PLD5: variants seen among roughly 807,000 people sequenced by gnomAD.
The protein encoded by PLD5 is phospholipase D family member 5.
A neutral mutation model predicts 61.1 loss-of-function variants in PLD5; 36 were observed. That is an observed-to-expected ratio of 0.59 (90% CI 0.45 to 0.78). The LOEUF is 0.78. Ranked by LOEUF, PLD5 falls within the 30% of genes least tolerant of loss-of-function variation. The probability of loss-of-function intolerance (pLI) is 0.00; values close to 1 mark genes in which losing one functional copy is unlikely to be tolerated. For synonymous variants in PLD5, 243 were observed against 242.8 expected (o/e 1.00, Z -0.01); for missense variants, 515 against 644.4 (o/e 0.80, Z 2.17).
At chr1:242,279,998 G>A (rs1020308947) in intron 3 of PLD5, among the ~76,000 whole-genome samples, 37 of 149,746 alleles carry the variant, frequency 2.5e-4, no homozygotes, top group Non-Finnish European at 8.9e-5. Context: ...GAAAGTAAAT[G>A]TCCTGCATCA....
intron 2 of PLD5, among the ~76,000 whole-genome samples, chr1:242,330,471 A>G (rs1659100421): frequency 6.6e-6 from 1 of 152,184 alleles, no homozygotes. Context: ...TAGAGTCAGC[A>G]GCTCCTTCCT....
chr1:242,096,633 T>C (rs891149807), intron 9 of PLD5, among the ~76,000 whole-genome samples: 2 of 151,812 alleles, frequency 1.3e-5, no homozygotes, highest in Non-Finnish European at 2.9e-5. Flanking sequence ...TGAGCCACCA[T>C]ACCCAGCCTA....
At chr1:242,163,074 T>A (rs1193977600) in intron 5 of PLD5, among the ~76,000 whole-genome samples, 1 of 152,148 alleles carries the variant, frequency 6.6e-6, no homozygotes, top group Admixed American at 6.5e-5. Context: ...AGGTAAAGAA[T>A]CAATTCATGG....
intron 9 of PLD5, among the ~76,000 whole-genome samples, chr1:242,091,832 C>CTTT (rs750237371): frequency 3.2e-5 from 4 of 123,432 alleles, no homozygotes; most frequent in African/African-American, 9.2e-5. Flanking sequence ...TTCTTTTTTT[C>CTTT]TTTTTTTTTT....
intron 1 of PLD5, among the ~76,000 whole-genome samples, chr1:242,396,048 CA>C (rs137996046): frequency 3.7e-4 from 54 of 146,966 alleles, no homozygotes; most frequent in African/African-American, 1.0e-3. Flanking sequence ...GACTCCATCT[CA>C]AAAAAAAAAG....
chr1:242,182,160 G>A (rs138037534), intron 5 of PLD5, among the ~76,000 whole-genome samples: 60 of 152,216 alleles, frequency 3.9e-4, no homozygotes, highest in African/African-American at 1.3e-3. Context: ...CTCCTCTCAC[G>A]CAGTTGTTCC....
At chr1:242,167,629 C>T (rs536778084) in intron 5 of PLD5, among the ~76,000 whole-genome samples, 1 of 152,294 alleles carries the variant, frequency 6.6e-6, no homozygotes, top group Admixed American at 6.5e-5. Context: ...CTAACTATTT[C>T]ACATACATGA....
At chr1:242,528,168 T>A (rs1480421045), upstream of PLD5, among the ~76,000 whole-genome samples, 1 of 152,242 alleles carries the variant, frequency 6.6e-6, no homozygotes, top group Non-Finnish European at 1.5e-5. Flanking sequence ...TACTAAATTG[T>A]GACTTTCATG....
intron 5 of PLD5, among the ~76,000 whole-genome samples, chr1:242,198,366 G>A (rs1290920873): frequency 6.6e-6 from 1 of 152,160 alleles, no homozygotes; most frequent in East Asian, 1.9e-4. Flanking sequence ...AGCTTTCAAA[G>A]TCCTGAAACT....
In PLD5 at chr1:242,357,221, GT is replaced by G. The variant is rs939140031; in HGVS notation, c.190-8980del. The stretch of plus-strand genomic sequence containing the variant: ...TTCTTGGTTGGCAGGGTTGTTTTTT[GT>G]TTTTTTTTCATTCAGCACTTTGAAA... On this transcript the variant is annotated intron_variant, in intron 1 of 9. Coordinates refer to ENST00000536534, the MANE Select transcript of PLD5 (RefSeq NM_001372062.1). Among the ~76,000 whole-genome samples the G allele has an allele frequency of 1.3e-3, 189 of 150,246 alleles. 1 individual carries two copies. The highest frequency in any genetic ancestry group is 2.4e-3 in the Non-Finnish European group (159 of 67,516).
intron 1 of PLD5, chr1:242,449,465 T>G: frequency 1.0e-5 from 16 of 1,534,226 alleles, no homozygotes; most frequent in Non-Finnish European, 1.3e-5. Context: ...ATGTTTCATG[T>G]GGCACAAACG....
chr1:242,175,733 T>G (rs918698856), intron 5 of PLD5, among the ~76,000 whole-genome samples: 2 of 152,214 alleles, frequency 1.3e-5, no homozygotes, highest in African/African-American at 4.8e-5. Context: ...CTTAAGCTGA[T>G]AAGCAACTTC....
At chr1:242,512,999 G>A (rs1343800285) in intron 1 of PLD5, among the ~76,000 whole-genome samples, 1 of 151,956 alleles carries the variant, frequency 6.6e-6, no homozygotes, top group Non-Finnish European at 1.5e-5. Context: ...AGCCTCCTGA[G>A]TAGCTGGGAC....
chr1:242,126,633 A>C (rs1247302137), intron 5 of PLD5, among the ~76,000 whole-genome samples: 3 of 152,188 alleles, frequency 2.0e-5, no homozygotes, highest in Non-Finnish European at 4.4e-5. Context: ...CTGGATCCTT[A>C]TCTCTCACCT....
intron 3 of PLD5, among the ~76,000 whole-genome samples, chr1:242,279,410 T>G (rs1034355138): frequency 1.3e-5 from 2 of 152,238 alleles, no homozygotes; most frequent in Admixed American, 6.5e-5. Flanking sequence ...TAGTCTAGGA[T>G]GGGCTTGGGC....
At chr1:242,236,076 C>G (rs1671621539) in intron 4 of PLD5, among the ~76,000 whole-genome samples, 1 of 152,082 alleles carries the variant, frequency 6.6e-6, no homozygotes, top group South Asian at 2.1e-4. Context: ...ATAGGATTAG[C>G]ACTCTTACAG....
intron 1 of PLD5, among the ~76,000 whole-genome samples, chr1:242,487,984 T>G (rs941174887): frequency 1.5e-4 from 23 of 152,298 alleles, no homozygotes; most frequent in African/African-American, 5.5e-4. Context: ...AGTAGCTGTT[T>G]TTTAAAACAT....
At chr1:242,439,927 C>G (rs1180519701) in intron 1 of PLD5, among the ~76,000 whole-genome samples, 1 of 152,192 alleles carries the variant, frequency 6.6e-6, no homozygotes, top group African/African-American at 2.4e-5. Context: ...AAGTTCTCCA[C>G]TGGCCAAGGT....
intron 5 of PLD5, chr1:242,178,497 A>T (rs1057032301): frequency 6.6e-6 from 1 of 152,166 alleles, no homozygotes; most frequent in African/African-American, 2.4e-5. Context: ...TTTTCTTCCT[A>T]GGTGCTTTCC....
Sources: allele counts gnomAD v4.1 joint callset (sites outside exome capture counted in the v4.1 genomes callset), GRCh38; gene constraint gnomAD v4.1.1; transcripts MANE v1.5; gene names NCBI Gene and HGNC (gene_info 2026-07-23, HGNC 2026-07-21).